SLC16A12: variants seen among roughly 807,000 people sequenced by gnomAD.
SLC16A12 encodes the protein solute carrier family 16 member 12.
A neutral mutation model predicts 42.4 loss-of-function variants in SLC16A12; 17 were observed. That is an observed-to-expected ratio of 0.40 (90% CI 0.27 to 0.60). The LOEUF is 0.60. Ranked by LOEUF, SLC16A12 falls within the 20% of genes least tolerant of loss-of-function variation. The probability of loss-of-function intolerance (pLI) is 0.42; values close to 1 mark genes in which losing one functional copy is unlikely to be tolerated. For missense variants in SLC16A12, 544 were observed against 623.0 expected (o/e 0.87, Z 1.35); for synonymous variants, 224 against 229.4 (o/e 0.98, Z 0.21).
chr10:89,486,643 G>GAAAGAAAGAAAGAAAGA (rs1842753981), intron 2 of SLC16A12, among the ~76,000 whole-genome samples: 1 of 48,056 alleles, frequency 2.1e-5, no homozygotes. Context: ...AAGAAAGAAA[G>GAAAGAAAGAAAGAAAGA]AAAGAAAGAA....
intron 3 of SLC16A12, among the ~76,000 whole-genome samples, chr10:89,453,053 G>A (rs925468778): frequency 6.6e-6 from 1 of 152,194 alleles, no homozygotes; most frequent in Non-Finnish European, 1.5e-5. Flanking sequence ...AATGCTCTAT[G>A]TAATTCTCTG....
intron 4 of SLC16A12, among the ~76,000 whole-genome samples, chr10:89,443,489 A>G (rs186019631): frequency 7.2e-5 from 11 of 152,356 alleles, no homozygotes; most frequent in Non-Finnish European, 1.3e-4. Context: ...CTATCTCTAT[A>G]TGGAAGAACC....
At chr10:89,447,642 A>G (rs1427679734) in intron 3 of SLC16A12, among the ~76,000 whole-genome samples, 1 of 152,238 alleles carries the variant, frequency 6.6e-6, no homozygotes, top group Non-Finnish European at 1.5e-5. Flanking sequence ...CTAAATGCCC[A>G]CAAGAGAAAG....
intron 2 of SLC16A12, among the ~76,000 whole-genome samples, chr10:89,479,635 C>G (rs1046227750): frequency 1.3e-5 from 2 of 152,180 alleles, no homozygotes; most frequent in African/African-American, 2.4e-5. Context: ...CCTTTCAAAT[C>G]CCAACTCCTA....
chr10:89,513,314 T>C (rs1843193670), intron 2 of SLC16A12, among the ~76,000 whole-genome samples: 1 of 152,244 alleles, frequency 6.6e-6, no homozygotes, highest in Non-Finnish European at 1.5e-5. Flanking sequence ...TTGAATGCAC[T>C]GTAACTGACT....
chr10:89,536,257 G>C (rs1021667979), upstream of SLC16A12, among the ~76,000 whole-genome samples: 2 of 152,130 alleles, frequency 1.3e-5, no homozygotes, highest in Non-Finnish European at 2.9e-5. Context: ...ATCTGGCAGG[G>C]ATCCGGACCC....
At chr10:89,531,226 C>T (rs1326970665) in intron 2 of SLC16A12, among the ~76,000 whole-genome samples, 2 of 144,954 alleles carry the variant, frequency 1.4e-5, no homozygotes, top group African/African-American at 5.1e-5. Context: ...CCTGTCTCTA[C>T]TAAAAAAAAA....
intron 2 of SLC16A12, among the ~76,000 whole-genome samples, chr10:89,467,280 C>CAACAG (rs915415976): frequency 2.6e-5 from 4 of 152,190 alleles, no homozygotes; most frequent in Non-Finnish European, 5.9e-5. Flanking sequence ...CAGAGCTGTG[C>CAACAG]AACAGCCCTT....
At chr10:89,483,500 C>T (rs1258970987) in intron 2 of SLC16A12, among the ~76,000 whole-genome samples, 2 of 152,070 alleles carry the variant, frequency 1.3e-5, no homozygotes, top group Non-Finnish European at 2.9e-5. Flanking sequence ...GGAAGCACTG[C>T]CTTATCAAAT....
intron 3 of SLC16A12, among the ~76,000 whole-genome samples, chr10:89,445,722 C>T (rs1841989525): frequency 6.6e-6 from 1 of 152,154 alleles, no homozygotes; most frequent in Non-Finnish European, 1.5e-5. Context: ...CAGCTCCTCA[C>T]CGGCGACAGA....
At chr10:89,554,103 G>GGAAGGAAGGAAA (rs1843792256) in intron 2 of SLC16A12, among the ~76,000 whole-genome samples, 1 of 103,210 alleles carries the variant, frequency 9.7e-6, no homozygotes, top group Non-Finnish European at 2.0e-5. Flanking sequence ...AAAGAAAGAA[G>GGAAGGAAGGAAA]GAAGGAAGGA....
intron 2 of SLC16A12, among the ~76,000 whole-genome samples, chr10:89,508,767 C>CA (rs903696310): frequency 3.3e-5 from 5 of 151,608 alleles, no homozygotes; most frequent in Non-Finnish European, 5.9e-5. Context: ...AAAAACCCTT[C>CA]AAAAAAAATC....
At chr10:89,523,639 ATTCC>A (rs1443953497) in intron 2 of SLC16A12, among the ~76,000 whole-genome samples, 3 of 146,216 alleles carry the variant, frequency 2.1e-5, no homozygotes, top group Non-Finnish European at 3.0e-5. Context: ...TTGTGTCATC[ATTCC>A]TTCATTCATT....
chr10:89,512,134 T>C (rs1241486493), intron 2 of SLC16A12, among the ~76,000 whole-genome samples: 1 of 152,102 alleles, frequency 6.6e-6, no homozygotes, highest in Non-Finnish European at 1.5e-5. Context: ...AGAATGGTGG[T>C]TGCCAGGGCC....
chr10:89,497,642 C>T lies in SLC16A12; in HGVS notation c.-46-35018G>A, dbSNP rs184735553. Among the ~76,000 whole-genome samples, 279 of 152,216 alleles carry T rather than the reference C, an allele frequency of 1.8e-3. 2 individuals are homozygous for T. The highest frequency in any genetic ancestry group is 7.7e-3 in the South Asian group (37 of 4,816). ...AGGCAGAACAGAATTAAACTCAAGT[C>T]TCCTGACTTCCAATCTAGCATACAT... is the stretch of plus-strand genomic sequence containing the variant. On this transcript the variant is annotated intron_variant, in intron 2 of 7. Transcript: ENST00000371790.
intron 5 of SLC16A12, 52 bp from the exon 6 acceptor site, chr10:89,439,235 A>G (rs765354910): frequency 6.6e-7 from 1 of 1,507,662 alleles, no homozygotes; most frequent in South Asian, 1.1e-5. Context: ...ACAGCCAATG[A>G]TATCTCAGAA....
chr10:89,491,191 C>T (rs1274503290), intron 2 of SLC16A12, among the ~76,000 whole-genome samples: 1 of 152,136 alleles, frequency 6.6e-6, no homozygotes, highest in African/African-American at 2.4e-5. Flanking sequence ...GAAAGAGCTG[C>T]CTGGAGCCAT....
intron 2 of SLC16A12, among the ~76,000 whole-genome samples, chr10:89,533,367 C>T (rs1280293322): frequency 6.6e-6 from 1 of 152,140 alleles, no homozygotes; most frequent in African/African-American, 2.4e-5. Flanking sequence ...TGTTCATTGA[C>T]ATATCCCAAA....
chr10:89,487,394 G>C (rs11203146), intron 2 of SLC16A12, among the ~76,000 whole-genome samples: 14,775 of 152,058 alleles, frequency 0.097, 776 homozygotes, highest in South Asian at 0.19. Context: ...TTGTCGGTGG[G>C]AATGTAAGTT....
Sources: gnomAD v4.1 joint callset for allele counts (sites outside exome capture counted in the v4.1 genomes callset) on GRCh38, gnomAD v4.1.1 for gene constraint, MANE v1.5 for transcripts, NCBI Gene and HGNC (gene_info 2026-07-23, HGNC 2026-07-21) for gene names.